Variants in ZNF623 observed in about 807,000 individuals in gnomAD.
The protein encoded by ZNF623 is zinc finger protein 623.
Under a neutral mutation model 24.0 loss-of-function variants are expected in ZNF623, and 16 were observed. The observed-to-expected ratio is 0.67, with a 90% CI of 0.45 to 1.01. ZNF623 has a LOEUF of 1.01. ZNF623 is among the 50% of genes least tolerant of loss of function. The pLI is 0.00. For missense variants in ZNF623, 566 were observed against 606.5 expected, an observed-to-expected ratio of 0.93 and a Z score of 0.70; for synonymous variants, 224 against 219.8, an observed-to-expected ratio of 1.02 and a Z score of -0.17.
At chr8:143,638,113 C>T (rs1391806173) in intron 1 of ZNF623, among the ~76,000 whole-genome samples, 6 of 152,000 alleles carry the variant, frequency 3.9e-5, no homozygotes, top group East Asian at 1.9e-4. Context: ...TCTCTAGAGG[C>T]GGGCAGATCA....
intron 1 of ZNF623, 187 bp downstream of exon 1, chr8:143,636,332 CGGCCGCCCCCGCGA>C (rs1814920933): frequency 6.6e-6 from 1 of 152,262 alleles, no homozygotes; most frequent in South Asian, 2.1e-4. Context: ...GACGCAGCCA[CGGCCGCCCCCGCGA>C]GGCTGCGGCG....
chr8:143,638,793 A>G (rs1487826090), intron 1 of ZNF623, among the ~76,000 whole-genome samples: 1 of 152,068 alleles, frequency 6.6e-6, no homozygotes, highest in Non-Finnish European at 1.5e-5. Context: ...AAAAATAAAC[A>G]GCTTGTTTCC....
intron 1 of ZNF623, among the ~76,000 whole-genome samples, chr8:143,640,622 C>T (rs1025866038): frequency 1.3e-5 from 2 of 152,128 alleles, no homozygotes; most frequent in Non-Finnish European, 2.9e-5. Flanking sequence ...TGTCAAGAAG[C>T]GTACTTGTTT....
chr8:143,637,797 C>T (rs1010458615), intron 1 of ZNF623, among the ~76,000 whole-genome samples: 1 of 152,082 alleles, frequency 6.6e-6, no homozygotes, highest in Non-Finnish European at 1.5e-5. Context: ...ATCTGCCCAC[C>T]TCGGCTTCCC....
intron 1 of ZNF623, among the ~76,000 whole-genome samples, chr8:143,649,135 G>A (rs541270004): frequency 7.9e-5 from 12 of 152,058 alleles, no homozygotes; most frequent in East Asian, 3.9e-4. Flanking sequence ...AAAATTAGCC[G>A]GGCGTGGTGG....
intron 1 of ZNF623, among the ~76,000 whole-genome samples, chr8:143,645,561 C>G (rs955788262): frequency 2.0e-5 from 3 of 152,218 alleles, no homozygotes; most frequent in Admixed American, 1.3e-4. Context: ...TGGCTTCCCC[C>G]CTTTCCATGG....
Position 143,650,248 on chromosome 8 carries a change from G to C in ZNF623, c.256G>C (p.Asp86His), listed in dbSNP as rs4874084. The change falls in exon 2 of 2, where the codon GAT (aspartate) becomes CAT (histidine). Residue 86 changes from aspartate to histidine, a missense_variant. Transcript: ENST00000526926. This position sits in a 1 kb window ranked among gnomAD's most constrained non-coding sequence, Gnocchi z 5.2. ...CATAGAGGGGGAAGCCAATCCTTGCGATATCTGTGGCAAAACCTTCACGTT... is the reference window on the plus strand; with the variant it reads ...CATAGAGGGGGAAGCCAATCCTTGCCATATCTGTGGCAAAACCTTCACGTT... ...ELIEGEANPC[D>H]ICGKTFTFNS... The C allele has an allele frequency of 6.2e-7, 1 of 1,614,190 alleles. No homozygotes were observed.
intron 1 of ZNF623, among the ~76,000 whole-genome samples, chr8:143,640,585 C>T (rs4372013): frequency 0.1 from 15,901 of 152,220 alleles, 1,029 homozygotes; most frequent in Admixed American, 0.16. Context: ...ACAGTGTTCA[C>T]GGCATCTTCA....
rs1055060823 is a variant in ZNF623 at position 143,653,697 on chromosome 8, C to G, written c.*2214C>G. The G allele has an allele frequency of 1.9e-4, 32 of 167,084 alleles. No homozygotes were observed. Among genetic ancestry groups the G allele is most frequent in the African/African-American group, 7.2e-4 (30 of 41,446 alleles). The allele number at this position is 167,084 out of a possible 1,614,324, so 10.4% of individuals were successfully genotyped here. A position where few individuals can be genotyped will look rare whatever the true frequency, so the allele number is the denominator to read the frequency against. ...CTATGTGTTCTTTTGCGTCTGATGTCTCACTTTGGCATGTTTTTAGACTCA... is the reference window on the plus strand; with the variant it reads ...CTATGTGTTCTTTTGCGTCTGATGTGTCACTTTGGCATGTTTTTAGACTCA... On this transcript the variant is annotated 3_prime_UTR_variant, in exon 2 of 2. Transcript: ENST00000526926.
intron 1 of ZNF623, among the ~76,000 whole-genome samples, chr8:143,640,941 TAAAAAAAAAAAAA>T (rs57279986): frequency 3.1e-5 from 2 of 65,550 alleles, no homozygotes; most frequent in Non-Finnish European, 5.6e-5. Flanking sequence ...ACTCTGTCTT[TAAAAAAAAAAAAA>T]AAAAAAAAAA....
chr8:143,641,698 C>T lies in ZNF623; in HGVS notation c.-96+5553C>T, dbSNP rs1363215974. On this transcript the variant is annotated intron_variant, in intron 1 of 1. Transcript: ENST00000526926. ...GCCGGGATGGTCTCGATCTCCTGAC[C>T]TCGTGATCCACCCGCCTCGGCCTCC... Among the ~76,000 whole-genome samples the T allele has an allele frequency of 7.9e-4, 74 of 93,994 alleles. 26 individuals are homozygous for T. Among genetic ancestry groups the T allele is most frequent in the African/African-American group, 2.0e-3 (63 of 31,158 alleles). The allele number at this position is 93,994 out of a possible 152,430, so 61.7% of individuals were successfully genotyped here.
chr8:143,645,431 C>CAAA (rs11370593), intron 1 of ZNF623, among the ~76,000 whole-genome samples: 3 of 142,806 alleles, frequency 2.1e-5, no homozygotes, highest in African/African-American at 2.7e-5. Context: ...GACTCCATCT[C>CAAA]AAAAAAAAAA....
rs1182890526 is a variant in ZNF623, at chr8:143,653,681, C to G, written c.*2198C>G. ...CAAATGGATTCATTTACTATGTGTTCTTTTGCGTCTGATGTCTCACTTTGG... is the reference window on the plus strand; with the variant it reads ...CAAATGGATTCATTTACTATGTGTTGTTTTGCGTCTGATGTCTCACTTTGG... On this transcript the variant is annotated 3_prime_UTR_variant, in exon 2 of 2. Transcript: ENST00000526926. The G allele has an allele frequency of 6.0e-6, 1 of 167,082 alleles. No individual in the cohort carries two copies. The highest frequency in any genetic ancestry group is 1.5e-5 in the Non-Finnish European group (1 of 68,136). 10.3% of individuals were successfully genotyped at this position (167,082 alleles called of 1,614,324 possible). A position where few individuals can be genotyped will look rare whatever the true frequency, so the allele number is the denominator to read the frequency against.
At chr8:143,638,731 G>A (rs1285166510) in intron 1 of ZNF623, among the ~76,000 whole-genome samples, 1 of 151,652 alleles carries the variant, frequency 6.6e-6, no homozygotes, top group Non-Finnish European at 1.5e-5. Context: ...CTCCAGCCTG[G>A]GCGACAGAGT....
At chr8:143,640,941 T>TAA (rs57279986) in intron 1 of ZNF623, among the ~76,000 whole-genome samples, 2,927 of 65,528 alleles carry the variant, frequency 0.045, 316 homozygotes, top group African/African-American at 0.16. Context: ...ACTCTGTCTT[T>TAA]AAAAAAAAAA....
rs1156729366 is a variant in ZNF623, at chr8:143,641,442, G to GTTTTT, written c.-96+5318_-96+5322dup. Among the ~76,000 whole-genome samples the GTTTTT allele has an allele frequency of 5.0e-4, 5 of 10,060 alleles. 1 individual carries two copies. Among genetic ancestry groups the GTTTTT allele is most frequent in the African/African-American group, 8.4e-4 (5 of 5,942 alleles). The allele number at this position is 10,060 out of a possible 152,430, so 6.6% of individuals were successfully genotyped here. A position where few individuals can be genotyped will look rare whatever the true frequency, so the allele number is the denominator to read the frequency against. ...ACCAGGAGCATTGTCAGTGAGTAGTGTTTTTTTTTTTTTTTTTTTTTTTTT... is the reference window on the plus strand; with the variant it reads ...ACCAGGAGCATTGTCAGTGAGTAGTGTTTTTTTTTTTTTTTTTTTTTTTTTTTTTT... On this transcript the variant is annotated intron_variant, in intron 1 of 1. Transcript: ENST00000526926.
chr8:143,647,670 C>T (rs186489767), intron 1 of ZNF623, among the ~76,000 whole-genome samples: 95 of 152,346 alleles, frequency 6.2e-4, no homozygotes, highest in African/African-American at 2.2e-3. Flanking sequence ...GGAGTCCAGG[C>T]CCAGTGGCCC....
intron 1 of ZNF623, among the ~76,000 whole-genome samples, chr8:143,647,568 TTTCTACG>T (rs1815204017): frequency 6.6e-6 from 1 of 152,192 alleles, no homozygotes; most frequent in Admixed American, 6.5e-5. Context: ...CTTTGGAGTC[TTTCTACG>T]AAAGTGCAAA....
At position 143,650,648 on chromosome 8, in the gene ZNF623, G is replaced by C. The variant is rs1452692559; in HGVS notation, c.656G>C (p.Gly219Ala). ...ATTCGCCATCAGAGGATTCACACGGGAGAAAGGCCCTATGAGTGCAATGAA... is the reference window on the plus strand; with the variant it reads ...ATTCGCCATCAGAGGATTCACACGGCAGAAAGGCCCTATGAGTGCAATGAA... The part of the protein sequence containing the change: ...LLIRHQRIHT[G>A]ERPYECNECG... The change falls in exon 2 of 2, where the codon GGA becomes GCA. Residue 219 changes from glycine to alanine, a missense_variant. This residue lies in a region of ZNF623 where 313 missense variants were observed against 300.4 expected (regional missense o/e 1.04). Transcript: ENST00000526926. The surrounding 1 kb of genome is among the most constrained non-coding windows in gnomAD (Gnocchi z 5.2). 2 of 1,614,116 alleles carry C rather than the reference G, an allele frequency of 1.2e-6. No homozygotes were observed. Among genetic ancestry groups the C allele is most frequent in the Admixed American group, 3.3e-5 (2 of 60,012 alleles).
Sources: allele counts gnomAD v4.1 joint callset (sites outside exome capture counted in the v4.1 genomes callset), GRCh38; gene constraint gnomAD v4.1.1; regional missense constraint gnomAD v4.1.1; non-coding constraint Gnocchi (gnomAD v3.1); transcripts MANE v1.5; gene names NCBI Gene and HGNC (gene_info 2026-07-23, HGNC 2026-07-21).